FKBP6: variants seen among roughly 807,000 people sequenced by gnomAD.
FKBP6 encodes FKBP prolyl isomerase family member 6 (inactive), also known as inactive peptidyl-prolyl cis-trans isomerase FKBP6.
FKBP6 carries 29 observed loss-of-function variants against 41.7 expected under a neutral mutation model. The observed-to-expected ratio is 0.70, with a 90% CI of 0.52 to 0.95. The LOEUF (loss-of-function observed/expected upper bound fraction) is 0.95. Ranked by LOEUF, FKBP6 falls within the 40% of genes least tolerant of loss-of-function variation. The probability of loss-of-function intolerance (pLI) is 0.00; values close to 1 mark genes in which losing one functional copy is unlikely to be tolerated. For missense variants in FKBP6, 338 were observed against 408.7 expected (o/e 0.83, Z 1.49); for synonymous variants, 130 against 165.1 (o/e 0.79, Z 1.63).
chr7:73,330,487 G>A (rs1019530549), intron 4 of FKBP6, 135 bp downstream of exon 4: 11 of 716,716 alleles, frequency 1.5e-5, no homozygotes, highest in African/African-American at 8.7e-5. Context: ...GTGCGGTGGC[G>A]GCGGAGTTCC....
At position 73,328,357 on chromosome 7, in the gene FKBP6, A is replaced by C. The variant is rs1164675339; in HGVS notation, c.-72A>C. On this transcript the variant is annotated 5_prime_UTR_variant, in exon 1 of 9. Coordinates refer to ENST00000252037, the MANE Select transcript of FKBP6 (RefSeq NM_003602.5). ...ATAAAGGGGCCTTCGGAACCCCACC[A>C]GAGTCACAGCCAGGGAGGGCAGCGG... 21 of 1,561,178 alleles carry C rather than the reference A, an allele frequency of 1.3e-5. No homozygotes were observed. Among genetic ancestry groups the C allele is most frequent in the Non-Finnish European group, 1.6e-5 (19 of 1,153,402 alleles).
intron 8 of FKBP6, among the ~76,000 whole-genome samples, chr7:73,351,580 T>C (rs1583824003): frequency 6.6e-6 from 1 of 152,284 alleles, no homozygotes; most frequent in African/African-American, 2.4e-5. Flanking sequence ...TGTGTGGCTA[T>C]AAATACCTCA....
At chr7:73,346,625 G>A (rs1160380269) in intron 8 of FKBP6, among the ~76,000 whole-genome samples, 1 of 152,198 alleles carries the variant, frequency 6.6e-6, no homozygotes, top group Non-Finnish European at 1.5e-5. Context: ...TGCTCTGAGG[G>A]GCTAAAGGGG....
chr7:73,350,240 C>T (rs1805452555), intron 8 of FKBP6, among the ~76,000 whole-genome samples: 2 of 152,194 alleles, frequency 1.3e-5, no homozygotes, highest in African/African-American at 4.8e-5. Flanking sequence ...GTGTCATCCC[C>T]TGTCTTTAGT....
At chr7:73,338,459 T>C (rs1340422786) in intron 5 of FKBP6, among the ~76,000 whole-genome samples, 3 of 152,382 alleles carry the variant, frequency 2.0e-5, no homozygotes, top group African/African-American at 7.2e-5. Context: ...GTACAAGTTG[T>C]CGTGTGAACA....
intron 8 of FKBP6, among the ~76,000 whole-genome samples, chr7:73,346,599 C>T (rs1805338831): frequency 6.6e-6 from 1 of 152,152 alleles, no homozygotes; most frequent in African/African-American, 2.4e-5. Context: ...AGGAGAAGAC[C>T]TGGCCAGAGC....
chr7:73,331,921 T>A, intron 5 of FKBP6, 145 bp downstream of exon 5: 1 of 780,160 alleles, frequency 1.3e-6, no homozygotes, highest in South Asian at 1.4e-5. Flanking sequence ...TGGAGTGCAG[T>A]GGCGCAATCT....
intron 5 of FKBP6, among the ~76,000 whole-genome samples, chr7:73,339,699 C>T (rs1805114765): frequency 6.6e-6 from 1 of 150,466 alleles, no homozygotes; most frequent in African/African-American, 2.4e-5. Context: ...CCACAACCTC[C>T]GCCTCCCATG....
At chr7:73,353,310 C>G (rs986320974) in intron 8 of FKBP6, among the ~76,000 whole-genome samples, 1 of 152,154 alleles carries the variant, frequency 6.6e-6, no homozygotes, top group African/African-American at 2.4e-5. Flanking sequence ...TCGTGGGTTC[C>G]GGGAATTGGA....
chr7:73,337,248 G>A lies in FKBP6; in HGVS notation c.589-3390G>A, dbSNP rs138837676. Among the ~76,000 whole-genome samples, 3 of 151,808 alleles carry A rather than the reference G, an allele frequency of 2.0e-5. No homozygotes were observed. The East Asian group carries it at 5.8e-4, about 29-fold the overall frequency. ...GAGATGGAAGGGAGGACCAAGGAAG[G>A]CTCATGACTTTCTGCCTGTGCTGCC... is the stretch of plus-strand genomic sequence containing the variant. On this transcript the variant is annotated intron_variant, in intron 5 of 8. Transcript: ENST00000252037.
rs144520521 is a variant in FKBP6, at chr7:73,331,072, G to A, written c.469-585G>A. Among the ~76,000 whole-genome samples, 11 of 152,228 alleles carry A rather than the reference G, an allele frequency of 7.2e-5. No homozygotes were observed. The East Asian group carries it at 1.9e-3, about 27-fold the overall frequency. ...ACCCTTTTTCATCATTCTGAGATTC[G>A]AGTTTCTTGCAAATGCCTCGTCCCA... is the stretch of plus-strand genomic sequence containing the variant. On this transcript the variant is annotated intron_variant, in intron 4 of 8. Coordinates refer to ENST00000252037, the MANE Select transcript of FKBP6 (RefSeq NM_003602.5).
rs187394347 is a variant in FKBP6, at chr7:73,346,244, G to A, written c.*2+3345G>A. Among the ~76,000 whole-genome samples, 218 of 152,312 alleles carry A rather than the reference G, an allele frequency of 1.4e-3. 1 individual carries two copies. The highest frequency in any genetic ancestry group is 2.3e-3 in the Non-Finnish European group (155 of 68,022). ...GAAAGCCATGCCTGCCCTGCCCCGCGTGGCCCGCCTTCACACTGTCTCCTG... is the reference window on the plus strand; with the variant it reads ...GAAAGCCATGCCTGCCCTGCCCCGCATGGCCCGCCTTCACACTGTCTCCTG... On this transcript the variant is annotated intron_variant, in intron 8 of 8. Transcript: ENST00000252037.
chr7:73,342,954 C>A, intron 8 of FKBP6, 55 bp downstream of exon 8: 1 of 1,158,006 alleles, frequency 8.6e-7, no homozygotes, highest in Non-Finnish European at 1.3e-6. Context: ...GCGTGCTGCT[C>A]TCCTCCACCC....
At chr7:73,334,292 CTTGAG>C (rs781984732) in intron 5 of FKBP6, among the ~76,000 whole-genome samples, 1 of 152,144 alleles carries the variant, frequency 6.6e-6, no homozygotes, top group African/African-American at 2.4e-5. Flanking sequence ...GGGAAACTTT[CTTGAG>C]TTATTTCTTT....
intron 8 of FKBP6, among the ~76,000 whole-genome samples, chr7:73,343,881 C>T (rs1805265453): frequency 6.6e-6 from 1 of 152,212 alleles, no homozygotes; most frequent in Non-Finnish European, 1.5e-5. Context: ...TTGTTGCTTC[C>T]TCCATCTCCC....
At position 73,331,720 on chromosome 7, in the gene FKBP6, G is replaced by A; in HGVS notation, c.532G>A (p.Gly178Ser). The A allele has an allele frequency of 2.5e-6, 4 of 1,613,830 alleles. No individual in the cohort carries two copies. Among genetic ancestry groups the A allele is most frequent in the Non-Finnish European group, 3.4e-6 (4 of 1,179,782 alleles). The change falls in exon 5 of 9, where the codon GGC becomes AGC. Residue 178 changes from glycine to serine, a missense_variant. Gly to Ser is a moderately conservative substitution (Grantham distance 56, BLOSUM62 0). Transcript: ENST00000252037. ...AGTGGCAGCTACGGAACGGGAGTTT[G>A]GCAACTACCTTTTCCGCCAGAATCG... ...LKVAATEREFGNYLFRQNRFY... is the reference protein window; with the variant it reads ...LKVAATEREFSNYLFRQNRFY...
intron 8 of FKBP6, among the ~76,000 whole-genome samples, chr7:73,354,368 G>T (rs1426067756): frequency 3.3e-5 from 5 of 152,238 alleles, no homozygotes; most frequent in Admixed American, 6.5e-5. Flanking sequence ...TCAGCATGGA[G>T]TGGCCGCCAG....
chr7:73,330,430 C>T lies in FKBP6; in HGVS notation c.468+78C>T, dbSNP rs1401866450. The T allele has an allele frequency of 3.4e-6, 4 of 1,165,450 alleles. No individual in the cohort carries two copies. In the African/African-American group the frequency reaches 4.5e-5, roughly 13 times the overall value. The allele number at this position is 1,165,450 out of a possible 1,614,324, so 72.2% of individuals were successfully genotyped here. A position where few individuals can be genotyped will look rare whatever the true frequency, so the allele number is the denominator to read the frequency against. On this transcript the variant is annotated intron_variant, in intron 4 of 8. Transcript: ENST00000252037. ...TGTTATTGGTAATTCTTCTAGATGG[C>T]CTGCCCTGAGGCTGATCGTCCTCTC...
chr7:73,331,860 TTTTTG>T (rs1244650691), intron 5 of FKBP6, 84 bp downstream of exon 5: 24 of 1,474,070 alleles, frequency 1.6e-5, no homozygotes, highest in South Asian at 1.0e-4. Context: ...TTTGTTGTGA[TTTTTG>T]TTTTGTTTTG....
Sources: gnomAD v4.1 joint callset for allele counts (sites outside exome capture counted in the v4.1 genomes callset) on GRCh38, gnomAD v4.1.1 for gene constraint, MANE v1.5 for transcripts, NCBI Gene and HGNC (gene_info 2026-07-23, HGNC 2026-07-21) for gene names.